The following VPS37A variants were observed in gnomAD, a reference collection of about 807,000 sequenced individuals.
VPS37A encodes vacuolar protein sorting-associated protein 37A.
In VPS37A, 30 loss-of-function variants were observed where a neutral mutation model predicts 49.8. That is an observed-to-expected ratio of 0.60 (90% confidence interval 0.45 to 0.82). VPS37A has a LOEUF of 0.82. Ranked by LOEUF, VPS37A falls within the 40% of genes least tolerant of loss-of-function variation. VPS37A has a pLI of 0.00. For synonymous variants in VPS37A, 195 were observed against 160.6 expected, an observed-to-expected ratio of 1.21 and a Z score of -1.62; for missense variants, 593 against 464.4, an observed-to-expected ratio of 1.28 and a Z score of -2.55.
chr8:17,325,044 T>C, the VPS37A span, among the ~76,000 whole-genome samples: 658 of 152,210 alleles, frequency 4.3e-3, 6 homozygotes, highest in Middle Eastern at 0.01. Flanking sequence ...CCATCTTCCA[T>C]TTCCTCAAGG....
chr8:17,289,644 G>A (rs573121984), intron 11 of VPS37A, among the ~76,000 whole-genome samples: 7 of 152,146 alleles, frequency 4.6e-5, no homozygotes, highest in East Asian at 1.9e-4. Context: ...GATGCCTGCC[G>A]CCAGCTTTGT....
the VPS37A span, among the ~76,000 whole-genome samples, chr8:17,320,387 G>C: frequency 6.6e-6 from 1 of 152,080 alleles, no homozygotes; most frequent in Non-Finnish European, 1.5e-5. Flanking sequence ...GCAAGACGGA[G>C]GGTGTGGTAA....
the VPS37A span, among the ~76,000 whole-genome samples, chr8:17,324,601 C>T: frequency 6.6e-6 from 1 of 152,236 alleles, no homozygotes; most frequent in Admixed American, 6.5e-5. Context: ...GGCAAAAGCA[C>T]ACATACTTGA....
At chr8:17,301,993 G>A (rs570152886), downstream of VPS37A, 11 of 878,360 alleles carry the variant, frequency 1.3e-5, no homozygotes, top group East Asian at 1.3e-4. Flanking sequence ...TTTGGGCTTC[G>A]GTTATCTGAG....
intron 1 of VPS37A, chr8:17,248,410 G>A (rs78693208): frequency 2.2e-6 from 1 of 454,718 alleles, no homozygotes; most frequent in Non-Finnish European, 4.4e-6. Flanking sequence ...GAGTAGCTGG[G>A]ATTACAGGTG....
the VPS37A span, among the ~76,000 whole-genome samples, chr8:17,314,949 G>A: frequency 2.0e-5 from 3 of 152,128 alleles, no homozygotes; most frequent in Non-Finnish European, 2.9e-5. Flanking sequence ...CATGCAGAAC[G>A]GTAAATGAGA....
At chr8:17,309,798 C>A in the VPS37A span, among the ~76,000 whole-genome samples, 1 of 152,040 alleles carries the variant, frequency 6.6e-6, no homozygotes, top group Non-Finnish European at 1.5e-5. Context: ...TGTAAATTAC[C>A]AACCTCTTTA....
chr8:17,318,516 A>G, the VPS37A span, among the ~76,000 whole-genome samples: 1 of 152,112 alleles, frequency 6.6e-6, no homozygotes, highest in African/African-American at 2.4e-5. Context: ...GGCTCCCACA[A>G]ACATAACGGA....
chr8:17,307,600 G>A, the VPS37A span, among the ~76,000 whole-genome samples: 46 of 152,156 alleles, frequency 3.0e-4, no homozygotes, highest in African/African-American at 5.8e-4. Flanking sequence ...TGTTTATAGC[G>A]GCACTATTCA....
rs1266894055 is a variant in VPS37A at position 17,280,288 on chromosome 8, T to C, written c.891T>C (p.Val297=). 6.2e-7 allele frequency: 1 copy of C among 1,612,438 alleles called. No individual in the cohort carries two copies. Residue 297 remains valine, a synonymous_variant, in exon 8 of 12, where the codon GTT becomes GTC. Transcript: ENST00000324849. Reference sequence around the variant, plus strand: ...GCTTGGAAGCCAAAAGACAAACTGTTTTAGATAAGGTGAGTTAGTGATAAT... The same window carrying C: ...GCTTGGAAGCCAAAAGACAAACTGTCTTAGATAAGGTGAGTTAGTGATAAT... ...EPSLEAKRQT[V]LDKYELLTQM...
chr8:17,319,755 C>A, the VPS37A span, among the ~76,000 whole-genome samples: 616 of 152,248 alleles, frequency 4.0e-3, 4 homozygotes, highest in South Asian at 0.017. Context: ...CGTGGTGAGA[C>A]GAGGCTCCAG....
At chr8:17,319,937 C>A in the VPS37A span, among the ~76,000 whole-genome samples, 3 of 152,008 alleles carry the variant, frequency 2.0e-5, no homozygotes, top group Non-Finnish European at 4.4e-5. Flanking sequence ...CATGTGGCTA[C>A]GAAACACTTG....
In VPS37A at chr8:17,284,329, T is replaced by C. The variant is rs1216979453; in HGVS notation, c.970-144T>C. On this transcript the variant is annotated intron_variant, in intron 9 of 11. Transcript: ENST00000324849. Reference sequence around the variant, plus strand: ...AAAAGCTAAGGACCTGGGTGGGGCATTATAAGACAGCAGATTTTCTCAAAA... The same window carrying C: ...AAAAGCTAAGGACCTGGGTGGGGCACTATAAGACAGCAGATTTTCTCAAAA... 4 of 913,866 alleles carry C rather than the reference T, an allele frequency of 4.4e-6. No homozygotes were observed. In the African/African-American group the frequency reaches 7.1e-5, roughly 16 times the overall value. The allele number at this position is 913,866 out of a possible 1,614,324, so 56.6% of individuals were successfully genotyped here.
chr8:17,278,165 C>T (rs1459513585), intron 6 of VPS37A, among the ~76,000 whole-genome samples: 1 of 152,032 alleles, frequency 6.6e-6, no homozygotes, highest in Non-Finnish European at 1.5e-5. Flanking sequence ...TTTGCCAATA[C>T]TTATGTCATA....
downstream of VPS37A, among the ~76,000 whole-genome samples, chr8:17,305,139 A>T (rs916578693): frequency 6.6e-6 from 1 of 152,122 alleles, no homozygotes; most frequent in African/African-American, 2.4e-5. Context: ...ACAAAAATTA[A>T]TTTTCTTTAT....
intron 6 of VPS37A, among the ~76,000 whole-genome samples, chr8:17,279,568 T>C (rs1814840609): frequency 6.6e-6 from 1 of 152,094 alleles, no homozygotes. Flanking sequence ...TAAGTGATAT[T>C]CTCAAGCAAT....
chr8:17,332,020 C>T, the VPS37A span, among the ~76,000 whole-genome samples: 6 of 152,086 alleles, frequency 3.9e-5, no homozygotes, highest in East Asian at 5.8e-4. Context: ...TCCTAGCCTG[C>T]GTGGCTAAAA....
At chr8:17,286,452 C>T (rs1288670522) in intron 11 of VPS37A, 25 bp downstream of exon 11, 3 of 1,600,396 alleles carry the variant, frequency 1.9e-6, no homozygotes, top group African/African-American at 2.7e-5. Context: ...AAGTTTGAGT[C>T]TCAAGGTGAT....
At chr8:17,315,586 C>T in the VPS37A span, among the ~76,000 whole-genome samples, 52 of 152,224 alleles carry the variant, frequency 3.4e-4, no homozygotes, top group Non-Finnish European at 5.6e-4. Context: ...TGGGACTCTC[C>T]GTACCTTCTG....
Sources: gnomAD v4.1 joint callset for allele counts (sites outside exome capture counted in the v4.1 genomes callset) on GRCh38, gnomAD v4.1.1 for gene constraint, MANE v1.5 for transcripts, NCBI Gene and HGNC (gene_info 2026-07-23, HGNC 2026-07-21) for gene names.